The following CCBE1 variants were observed in gnomAD, a reference collection of about 807,000 sequenced individuals.
The protein encoded by CCBE1 is collagen and calcium-binding EGF domain-containing protein 1.
CCBE1 carries 37 observed loss-of-function variants against 50.0 expected under a neutral mutation model. The observed-to-expected ratio is 0.74, with a 90% confidence interval of 0.57 to 0.97. The LOEUF is 0.97. Ranked by LOEUF, CCBE1 falls within the 50% of genes least tolerant of loss-of-function variation. The pLI, the probability that CCBE1 is intolerant of heterozygous loss-of-function variation, is 0.00. For synonymous variants in CCBE1, 234 were observed against 203.7 expected, an observed-to-expected ratio of 1.15 and a Z score of -1.27; for missense variants, 538 against 523.8, an observed-to-expected ratio of 1.03 and a Z score of -0.26.
intron 2 of CCBE1, among the ~76,000 whole-genome samples, chr18:59,511,328 C>T (rs371044153): frequency 5.3e-4 from 80 of 152,294 alleles, no homozygotes; most frequent in African/African-American, 1.8e-3. Context: ...AGAATGATAA[C>T]GATTATGTTC....
At chr18:59,550,629 G>A (rs578259519) in intron 2 of CCBE1, among the ~76,000 whole-genome samples, 44 of 152,276 alleles carry the variant, frequency 2.9e-4, no homozygotes, top group Non-Finnish European at 5.4e-4. Flanking sequence ...GCCCTGTGAC[G>A]TTAGAACATT....
intron 2 of CCBE1, among the ~76,000 whole-genome samples, chr18:59,562,187 G>T (rs746979475): frequency 6.7e-6 from 1 of 148,160 alleles, no homozygotes; most frequent in Non-Finnish European, 1.5e-5. Context: ...AGTCCTTTTA[G>T]TATGGTCTTT....
At chr18:59,621,046 T>C (rs2053704269) in intron 2 of CCBE1, among the ~76,000 whole-genome samples, 1 of 152,088 alleles carries the variant, frequency 6.6e-6, no homozygotes, top group African/African-American at 2.4e-5. Context: ...GCATCTGAAG[T>C]TGTGGCAAAA....
At chr18:59,519,379 A>G (rs1914504927) in intron 2 of CCBE1, among the ~76,000 whole-genome samples, 1 of 152,216 alleles carries the variant, frequency 6.6e-6, no homozygotes, top group South Asian at 2.1e-4. Context: ...GAGGTTGCAC[A>G]CTAATATCAC....
In CCBE1 at chr18:59,435,791, A is replaced by G. The variant is rs566356871; in HGVS notation, c.*117T>C. On this transcript the variant is annotated 3_prime_UTR_variant, in exon 11 of 11. Transcript: ENST00000439986. ...AAGAGGAGTGGAGAGACGTCAGGAG[A>G]AGAGAAGAGAAAAATGTATGTTTTC... The G allele has an allele frequency of 4.0e-5, 37 of 921,034 alleles. No homozygotes were observed. The highest frequency in any genetic ancestry group is 6.3e-5 in the Non-Finnish European group (35 of 551,716). The allele number at this position is 921,034 out of a possible 1,614,324, so 57.1% of individuals were successfully genotyped here.
chr18:59,461,186 A>G (rs1911455388), intron 5 of CCBE1, among the ~76,000 whole-genome samples: 1 of 152,000 alleles, frequency 6.6e-6, no homozygotes, highest in Non-Finnish European at 1.5e-5. Flanking sequence ...GTTCCGCATT[A>G]CTTCAAACTG....
intron 2 of CCBE1, among the ~76,000 whole-genome samples, chr18:59,662,834 T>G (rs554674279): frequency 6.6e-6 from 1 of 152,288 alleles, no homozygotes; most frequent in East Asian, 1.9e-4. Flanking sequence ...TGTGCAAACA[T>G]AAGTTTCTTG....
chr18:59,565,844 C>T (rs1161528104), intron 2 of CCBE1, among the ~76,000 whole-genome samples: 2 of 151,684 alleles, frequency 1.3e-5, no homozygotes, highest in African/African-American at 4.8e-5. Flanking sequence ...CTTTTTTCTC[C>T]CCAAAGAAAA....
At chr18:59,557,722 T>A (rs1408528306) in intron 2 of CCBE1, among the ~76,000 whole-genome samples, 1 of 152,198 alleles carries the variant, frequency 6.6e-6, no homozygotes, top group Non-Finnish European at 1.5e-5. Flanking sequence ...CAGAAAAGTC[T>A]GTAACCAGTG....
intron 3 of CCBE1, among the ~76,000 whole-genome samples, chr18:59,476,717 T>C (rs1912323468): frequency 6.6e-6 from 1 of 152,216 alleles, no homozygotes; most frequent in Non-Finnish European, 1.5e-5. Flanking sequence ...GTTAACGTAT[T>C]TCTTTAGACA....
At chr18:59,478,893 C>T (rs902498817) in intron 3 of CCBE1, among the ~76,000 whole-genome samples, 1 of 152,156 alleles carries the variant, frequency 6.6e-6, no homozygotes, top group African/African-American at 2.4e-5. Context: ...GAGAGAAATT[C>T]AGCTTAGAGA....
At chr18:59,450,043 A>G (rs1598909890) in intron 6 of CCBE1, among the ~76,000 whole-genome samples, 1 of 152,150 alleles carries the variant, frequency 6.6e-6, no homozygotes, top group East Asian at 1.9e-4. Context: ...TTCTGCATAA[A>G]CACAGCAGAC....
intron 2 of CCBE1, among the ~76,000 whole-genome samples, chr18:59,668,558 A>G (rs1187165550): frequency 6.6e-6 from 1 of 152,166 alleles, no homozygotes; most frequent in African/African-American, 2.4e-5. Context: ...ATTCATTGAA[A>G]TAGCTTCCAT....
rs988199257 is a variant in CCBE1 at position 59,447,914 on chromosome 18, A to G, written c.775+69T>C. On this transcript the variant is annotated intron_variant, in intron 7 of 10. Transcript: ENST00000439986. Reference sequence around the variant, plus strand: ...AGCTGGAGAACATTGTCCAGGCCCCAGCAAATGTGAGCTTTTGGCAGGCTT... The same window carrying G: ...AGCTGGAGAACATTGTCCAGGCCCCGGCAAATGTGAGCTTTTGGCAGGCTT... 770 of 1,609,798 alleles carry G rather than the reference A, an allele frequency of 4.8e-4. 4 individuals are homozygous for G. Among genetic ancestry groups the G allele is most frequent in the Middle Eastern group, 3.3e-3 (17 of 5,080 alleles).
chr18:59,536,154 G>A (rs553922338), intron 2 of CCBE1, among the ~76,000 whole-genome samples: 1 of 152,226 alleles, frequency 6.6e-6, no homozygotes, highest in African/African-American at 2.4e-5. Context: ...AGTCTAGAGA[G>A]ATAGGAATCT....
intron 2 of CCBE1, among the ~76,000 whole-genome samples, chr18:59,602,043 A>G (rs2053440820): frequency 7.4e-6 from 1 of 134,924 alleles, no homozygotes; most frequent in Non-Finnish European, 1.5e-5. Context: ...AGAAATGCCA[A>G]AAAAAAGATC....
At chr18:59,643,607 C>T (rs1275955017) in intron 2 of CCBE1, among the ~76,000 whole-genome samples, 7 of 152,116 alleles carry the variant, frequency 4.6e-5, no homozygotes, top group Non-Finnish European at 1.0e-4. Context: ...CCAGCCTGGC[C>T]AACATGGCAA....
chr18:59,539,938 T>C (rs907888795), intron 2 of CCBE1, among the ~76,000 whole-genome samples: 3 of 152,222 alleles, frequency 2.0e-5, no homozygotes, highest in Non-Finnish European at 4.4e-5. Flanking sequence ...TCAAATTCTA[T>C]ATGTTCTTGC....
At chr18:59,583,066 A>C (rs1396837122) in intron 2 of CCBE1, among the ~76,000 whole-genome samples, 2 of 151,918 alleles carry the variant, frequency 1.3e-5, no homozygotes, top group African/African-American at 4.8e-5. Context: ...TGATCCTCTC[A>C]CCTTGGCCTC....
Sources: allele counts gnomAD v4.1 joint callset (sites outside exome capture counted in the v4.1 genomes callset), GRCh38; gene constraint gnomAD v4.1.1; transcripts MANE v1.5; gene names NCBI Gene and HGNC (gene_info 2026-07-23, HGNC 2026-07-21).